The following SUFU variants were observed in gnomAD, a reference collection of about 807,000 sequenced individuals.
The protein encoded by SUFU is suppressor of fused homolog.
SUFU carries 7 observed loss-of-function variants against 58.9 expected under a neutral mutation model. That is an observed-to-expected ratio of 0.12 (90% CI 0.07 to 0.22). The LOEUF (loss-of-function observed/expected upper bound fraction) is 0.22, where lower values mean the gene tolerates loss of function less well. Ranked by LOEUF, SUFU falls within the 10% of genes least tolerant of loss-of-function variation. The pLI is 1.00. For synonymous variants in SUFU, 232 were observed against 254.8 expected, an observed-to-expected ratio of 0.91 and a Z score of 0.85; for missense variants, 451 against 641.3, an observed-to-expected ratio of 0.70 and a Z score of 3.20.
At chr10:102,586,805 G>C (rs1276681690) in intron 3 of SUFU, among the ~76,000 whole-genome samples, 1 of 152,126 alleles carries the variant, frequency 6.6e-6, no homozygotes, top group Non-Finnish European at 1.5e-5. Context: ...TCCATCTCTA[G>C]AAGTTTTTCA....
chr10:102,608,957 T>A (rs183606757), intron 8 of SUFU, among the ~76,000 whole-genome samples: 1 of 152,354 alleles, frequency 6.6e-6, no homozygotes, highest in African/African-American at 2.4e-5. Flanking sequence ...TCCTGCCCTG[T>A]CTTCCAGGAA....
chr10:102,503,255 T>C (rs888910281), upstream of SUFU, among the ~76,000 whole-genome samples: 4 of 152,236 alleles, frequency 2.6e-5, no homozygotes, highest in Non-Finnish European at 4.4e-5. Flanking sequence ...AAAATTAGCT[T>C]TAAGTTTAAA....
At chr10:102,565,068 G>A (rs1200600893) in intron 3 of SUFU, among the ~76,000 whole-genome samples, 1 of 152,140 alleles carries the variant, frequency 6.6e-6, no homozygotes, top group East Asian at 1.9e-4. Flanking sequence ...ACAGCCTGCA[G>A]GCCAAATCCT....
At chr10:102,547,363 T>G (rs1411404393) in intron 2 of SUFU, among the ~76,000 whole-genome samples, 2 of 152,176 alleles carry the variant, frequency 1.3e-5, no homozygotes, top group Non-Finnish European at 2.9e-5. Flanking sequence ...TGAATTGACC[T>G]CAAACAGGGT....
In SUFU at chr10:102,529,370, G is replaced by A. The variant is rs891231604; in HGVS notation, c.317+20067G>A. On this transcript the variant is annotated intron_variant, in intron 2 of 11. Transcript: ENST00000369902. ...GTGAAGCTGAAAGCAGCTTTTGAAGGACTGGGCTGATTAAGATCCAGAGCC... is the reference window on the plus strand; with the variant it reads ...GTGAAGCTGAAAGCAGCTTTTGAAGAACTGGGCTGATTAAGATCCAGAGCC... 5.9e-5 allele frequency among the ~76,000 whole-genome samples: 9 copies of A among 152,182 alleles called. No individual in the cohort carries two copies. The East Asian group carries it at 1.7e-3, about 29-fold the overall frequency.
chr10:102,557,802 A>G (rs1187839145), intron 3 of SUFU, among the ~76,000 whole-genome samples: 3 of 151,936 alleles, frequency 2.0e-5, no homozygotes, highest in African/African-American at 7.3e-5. Flanking sequence ...ACCACTGGGG[A>G]GATGAGCACC....
chr10:102,549,054 A>G (rs968742896), intron 2 of SUFU, among the ~76,000 whole-genome samples: 1 of 152,142 alleles, frequency 6.6e-6, no homozygotes, highest in African/African-American at 2.4e-5. Flanking sequence ...GGGCCCACCC[A>G]GTATTTGGAA....
intron 1 of SUFU, 141 bp from the exon 2 acceptor site, chr10:102,509,028 A>C: frequency 3.5e-6 from 4 of 1,157,642 alleles, no homozygotes; most frequent in Non-Finnish European, 3.8e-6. Flanking sequence ...CTCATTCTGG[A>C]GAGATGTGGC....
Position 102,629,969 on chromosome 10 carries a change from C to CT in SUFU, c.1366-96dup, listed in dbSNP as rs1245261678. 4 of 1,171,746 alleles carry CT rather than the reference C, an allele frequency of 3.4e-6. No individual in the cohort carries two copies. In the African/African-American group the frequency reaches 4.5e-5, roughly 13 times the overall value. The allele number at this position is 1,171,746 out of a possible 1,614,324, so 72.6% of individuals were successfully genotyped here. On this transcript the variant is annotated intron_variant, in intron 11 of 11. Transcript: ENST00000369902. This position sits in a 1 kb window ranked among gnomAD's most constrained non-coding sequence, Gnocchi z 4.7. ...ACGCCTCCCGCGGCCTGTCCTATCC[C>CT]TAGCTCCCCGGGGACAGGCCTGGGC...
At chr10:102,589,091 T>TTG (rs34076958) in intron 3 of SUFU, among the ~76,000 whole-genome samples, 39,491 of 150,884 alleles carry the variant, frequency 0.26, 5,605 homozygotes, top group South Asian at 0.35. Context: ...CCTGGCTAAT[T>TTG]TGTGTGTGTG....
chr10:102,572,227 G>T (rs2063169126), intron 3 of SUFU, among the ~76,000 whole-genome samples: 1 of 119,806 alleles, frequency 8.3e-6, no homozygotes, highest in Non-Finnish European at 1.7e-5. Flanking sequence ...CACCACGCCT[G>T]GATAATTTTT....
intron 3 of SUFU, among the ~76,000 whole-genome samples, chr10:102,570,067 A>G (rs898195702): frequency 1.3e-5 from 2 of 152,146 alleles, no homozygotes; most frequent in Non-Finnish European, 2.9e-5. Context: ...ATTGGGATGT[A>G]GAAGAATTTC....
intron 3 of SUFU, among the ~76,000 whole-genome samples, chr10:102,555,641 G>A (rs1344321360): frequency 6.6e-6 from 1 of 152,130 alleles, no homozygotes; most frequent in Non-Finnish European, 1.5e-5. Context: ...AGTTTAGTGG[G>A]ACCTTGTAGT....
At chr10:102,524,653 G>A (rs544354288) in intron 2 of SUFU, among the ~76,000 whole-genome samples, 36 of 152,152 alleles carry the variant, frequency 2.4e-4, no homozygotes, top group African/African-American at 8.4e-4. Flanking sequence ...TCACTTCTGC[G>A]ATGTCTATTA....
At chr10:102,525,863 G>A (rs912466673) in intron 2 of SUFU, among the ~76,000 whole-genome samples, 1 of 152,116 alleles carries the variant, frequency 6.6e-6, no homozygotes, top group Non-Finnish European at 1.5e-5. Context: ...TAGTGCTGAG[G>A]ATACCATGGA....
chr10:102,564,881 GCA>G (rs1358990016), intron 3 of SUFU, among the ~76,000 whole-genome samples: 1 of 152,164 alleles, frequency 6.6e-6, no homozygotes, highest in Non-Finnish European at 1.5e-5. Context: ...TGATTTCTCT[GCA>G]CTTTCCTAAG....
At chr10:102,626,326 C>A (rs990194488) in intron 10 of SUFU, among the ~76,000 whole-genome samples, 1 of 152,118 alleles carries the variant, frequency 6.6e-6, no homozygotes, top group African/African-American at 2.4e-5. Flanking sequence ...TTTTAGAGGG[C>A]CTGAGAGCCC....
intron 8 of SUFU, among the ~76,000 whole-genome samples, chr10:102,614,123 A>G (rs1027538799): frequency 6.6e-6 from 1 of 152,256 alleles, no homozygotes; most frequent in African/African-American, 2.4e-5. Context: ...CTTCAGGGTC[A>G]GCTGGACAGA....
At position 102,617,227 on chromosome 10, in the gene SUFU, C is replaced by T; in HGVS notation, c.1158-63C>T. 1 of 1,611,836 alleles carries T rather than the reference C, an allele frequency of 6.2e-7. No individual in the cohort carries two copies. Among genetic ancestry groups the T allele is most frequent in the South Asian group, 1.1e-5 (1 of 90,900 alleles). ...CCACTGTCCCAGAGCCTTGGCCAGG[C>T]CTGCTGTGCTTGGAACTGTTTCCAA... On this transcript the variant is annotated intron_variant, in intron 9 of 11. Coordinates refer to ENST00000369902, the MANE Select transcript of SUFU (RefSeq NM_016169.4). This position sits in a 1 kb window ranked among gnomAD's most constrained non-coding sequence, Gnocchi z 4.4.
Sources: allele counts gnomAD v4.1 joint callset (sites outside exome capture counted in the v4.1 genomes callset), GRCh38; gene constraint gnomAD v4.1.1; non-coding constraint Gnocchi (gnomAD v3.1); transcripts MANE v1.5; gene names NCBI Gene and HGNC (gene_info 2026-07-23, HGNC 2026-07-21).